Variants in CDKAL1 observed in about 807,000 individuals in gnomAD.
CDKAL1 encodes the protein CDKAL1 threonylcarbamoyladenosine tRNA methylthiotransferase, also known as threonylcarbamoyladenosine tRNA methylthiotransferase.
CDKAL1 carries 32 observed loss-of-function variants against 68.2 expected under a neutral mutation model. The ratio of observed to expected loss-of-function variants is 0.47; its 90% CI spans 0.35 to 0.63. The LOEUF (loss-of-function observed/expected upper bound fraction) is 0.63, where lower values mean the gene tolerates loss of function less well. CDKAL1 is among the 30% of genes least tolerant of loss of function. The probability of loss-of-function intolerance (pLI) is 0.00; values close to 1 mark genes in which losing one functional copy is unlikely to be tolerated. For missense variants in CDKAL1, 606 were observed against 696.7 expected, an observed-to-expected ratio of 0.87 and a Z score of 1.47; for synonymous variants, 234 against 244.3, an observed-to-expected ratio of 0.96 and a Z score of 0.39.
intron 4 of CDKAL1, among the ~76,000 whole-genome samples, chr6:20,640,138 G>T (rs1205222550): frequency 1.3e-5 from 2 of 152,172 alleles, no homozygotes; most frequent in Non-Finnish European, 2.9e-5. Context: ...AAAATGTTTG[G>T]ACTTGACTTG....
At chr6:20,738,346 A>G (rs1364607736) in intron 5 of CDKAL1, among the ~76,000 whole-genome samples, 1 of 152,210 alleles carries the variant, frequency 6.6e-6, no homozygotes, top group East Asian at 1.9e-4. Context: ...TTCTAGCACA[A>G]AATAAATGTT....
chr6:21,152,847 A>G (rs948871617), intron 13 of CDKAL1, among the ~76,000 whole-genome samples: 1 of 152,232 alleles, frequency 6.6e-6, no homozygotes, highest in East Asian at 1.9e-4. Context: ...TGTACTACGC[A>G]GATCCAAGGA....
intron 13 of CDKAL1, among the ~76,000 whole-genome samples, chr6:21,111,208 A>G (rs928673992): frequency 6.6e-6 from 1 of 152,188 alleles, no homozygotes; most frequent in African/African-American, 2.4e-5. Flanking sequence ...CTCTAGCTAT[A>G]TTCATTTTAA....
chr6:21,164,880 T>A (rs1310510916), intron 13 of CDKAL1, among the ~76,000 whole-genome samples: 2 of 152,216 alleles, frequency 1.3e-5, no homozygotes, highest in Non-Finnish European at 2.9e-5. Flanking sequence ...TTTAAAAAAA[T>A]GTCTTTGCCA....
chr6:20,747,319 T>C (rs1467483538), intron 6 of CDKAL1, among the ~76,000 whole-genome samples: 1 of 152,228 alleles, frequency 6.6e-6, no homozygotes, highest in Non-Finnish European at 1.5e-5. Context: ...CAGATATCTC[T>C]ACAGAGTGCT....
At chr6:20,867,460 A>T (rs1759970681) in intron 9 of CDKAL1, among the ~76,000 whole-genome samples, 1 of 152,222 alleles carries the variant, frequency 6.6e-6, no homozygotes, top group Non-Finnish European at 1.5e-5. Flanking sequence ...AAAAAACACG[A>T]TTTATGTTTG....
chr6:20,722,852 A>C (rs374966618), intron 5 of CDKAL1, among the ~76,000 whole-genome samples: 3 of 152,068 alleles, frequency 2.0e-5, no homozygotes, highest in South Asian at 2.1e-4. Flanking sequence ...AGAGAGACAG[A>C]CAGCCAGACA....
At chr6:20,965,154 T>G (rs769706617) in intron 10 of CDKAL1, among the ~76,000 whole-genome samples, 5 of 152,014 alleles carry the variant, frequency 3.3e-5, no homozygotes, top group Non-Finnish European at 7.4e-5. Context: ...TGCAAAAAGT[T>G]TTTTACAATT....
chr6:20,680,310 G>A (rs1458682874), intron 5 of CDKAL1, among the ~76,000 whole-genome samples: 1 of 152,114 alleles, frequency 6.6e-6, no homozygotes, highest in Non-Finnish European at 1.5e-5. Flanking sequence ...CAAGTGATCT[G>A]CATGCTTCAG....
rs1006872715 is a variant in CDKAL1, at chr6:20,726,947, C to A, written c.372-12572C>A. 2.0e-5 allele frequency among the ~76,000 whole-genome samples: 3 copies of A among 152,150 alleles called. No individual in the cohort carries two copies. In the East Asian group the frequency reaches 5.8e-4, roughly 29 times the overall value. Reference sequence around the variant, plus strand: ...AAAAGCACACAAAGACTTTGTGCAGCCCCTATAAACTAGCTGAAACTGGTT... The same window carrying A: ...AAAAGCACACAAAGACTTTGTGCAGACCCTATAAACTAGCTGAAACTGGTT... On this transcript the variant is annotated intron_variant, in intron 5 of 15. Transcript: ENST00000274695.
At chr6:21,209,857 T>C (rs567493557) in intron 15 of CDKAL1, among the ~76,000 whole-genome samples, 1 of 152,194 alleles carries the variant, frequency 6.6e-6, no homozygotes, top group African/African-American at 2.4e-5. Context: ...CTGTGATGAT[T>C]TGAACCCAGG....
At chr6:21,057,333 T>A (rs1389081276) in intron 11 of CDKAL1, among the ~76,000 whole-genome samples, 1 of 152,184 alleles carries the variant, frequency 6.6e-6, no homozygotes, top group African/African-American at 2.4e-5. Context: ...TATTCTCTGA[T>A]GGTTGGTTGT....
intron 9 of CDKAL1, among the ~76,000 whole-genome samples, chr6:20,954,946 C>G (rs1764709412): frequency 6.6e-6 from 1 of 151,976 alleles, no homozygotes; most frequent in Non-Finnish European, 1.5e-5. Flanking sequence ...AAATGGATAC[C>G]TTATAATTAA....
intron 15 of CDKAL1, among the ~76,000 whole-genome samples, chr6:21,214,871 T>TGGGA (rs1779284605): frequency 8.3e-6 from 1 of 120,956 alleles, no homozygotes; most frequent in Non-Finnish European, 1.8e-5. Flanking sequence ...TAAACGTCTG[T>TGGGA]TGGATGAATG....
At chr6:20,726,382 C>T (rs1173034290) in intron 5 of CDKAL1, among the ~76,000 whole-genome samples, 1 of 152,140 alleles carries the variant, frequency 6.6e-6, no homozygotes, top group Non-Finnish European at 1.5e-5. Context: ...CCTTTTGTTT[C>T]CCTAAAACAT....
chr6:21,041,700 T>C (rs1379932256), intron 11 of CDKAL1, among the ~76,000 whole-genome samples: 3 of 152,100 alleles, frequency 2.0e-5, no homozygotes, highest in Non-Finnish European at 4.4e-5. Context: ...GATAATTTGA[T>C]AAAGGTTTTT....
In CDKAL1 at chr6:20,730,572, T is replaced by C. The variant is rs567413555; in HGVS notation, c.372-8947T>C. 1.3e-5 allele frequency among the ~76,000 whole-genome samples: 2 copies of C among 151,548 alleles called. 1 individual carries two copies. Among genetic ancestry groups the C allele is most frequent in the Admixed American group, 1.3e-4 (2 of 15,228 alleles). Reference sequence around the variant, plus strand: ...CTGTGAAAAAGAAATAGGCCAGGTGTGGTGGCTCATGTCTGTAATCCCAGC... The same window carrying C: ...CTGTGAAAAAGAAATAGGCCAGGTGCGGTGGCTCATGTCTGTAATCCCAGC... On this transcript the variant is annotated intron_variant, in intron 5 of 15. Coordinates refer to ENST00000274695, the MANE Select transcript of CDKAL1 (RefSeq NM_017774.3).
At chr6:20,605,057 A>C (rs1181193265) in intron 4 of CDKAL1, among the ~76,000 whole-genome samples, 1 of 152,100 alleles carries the variant, frequency 6.6e-6, no homozygotes, top group Non-Finnish European at 1.5e-5. Flanking sequence ...AATACTCAGA[A>C]AGAGGAGCTA....
intron 4 of CDKAL1, among the ~76,000 whole-genome samples, chr6:20,610,243 C>T (rs1227737398): frequency 6.6e-6 from 1 of 152,154 alleles, no homozygotes; most frequent in Non-Finnish European, 1.5e-5. Flanking sequence ...AGAATATACA[C>T]TTGCATGTGT....
Sources: allele counts gnomAD v4.1 joint callset (sites outside exome capture counted in the v4.1 genomes callset), GRCh38; gene constraint gnomAD v4.1.1; transcripts MANE v1.5; gene names NCBI Gene and HGNC (gene_info 2026-07-23, HGNC 2026-07-21).